SNED1: variants seen among roughly 807,000 people sequenced by gnomAD.
The protein encoded by SNED1 is sushi, nidogen and EGF like domains 1.
A neutral mutation model predicts 166.7 loss-of-function variants in SNED1; 81 were observed. The observed-to-expected ratio is 0.49, with a 90% CI of 0.41 to 0.58. The LOEUF is 0.58. SNED1 is among the 20% of genes least tolerant of loss of function. SNED1 has a pLI of 0.00. For synonymous variants in SNED1, 762 were observed against 822.0 expected, an observed-to-expected ratio of 0.93 and a Z score of 1.25; for missense variants, 1,604 against 2,000.2, an observed-to-expected ratio of 0.80 and a Z score of 3.78.
chr2:241,022,164 C>T (rs1247775281), intron 1 of SNED1, among the ~76,000 whole-genome samples: 2 of 152,126 alleles, frequency 1.3e-5, no homozygotes, highest in East Asian at 3.9e-4. Context: ...GTACATTCTC[C>T]CATCCTGTGG....
At position 241,048,686 on chromosome 2, in the gene SNED1, G is replaced by T; in HGVS notation, c.1424G>T (p.Arg475Leu). Reference protein sequence around the residue: ...RERVPDDCECRNGGRCLGANT... With the variant: ...RERVPDDCECLNGGRCLGANT... The stretch of plus-strand genomic sequence containing the variant: ...GGAGTCCCCGATGACTGTGAGTGCC[G>T]CAACGGAGGCAGATGCCTGGGCGCC... Residue 475 changes from arginine (R) to leucine (L), a missense_variant, in exon 10 of 32, where the codon CGC (arginine) becomes CTC (leucine). Transcript: ENST00000310397. 1 of 1,611,582 alleles carries T rather than the reference G, an allele frequency of 6.2e-7. No individual in the cohort carries two copies.
At chr2:241,065,048 C>A in intron 20 of SNED1, 91 bp downstream of exon 20, 1 of 1,033,130 alleles carries the variant, frequency 9.7e-7, no homozygotes, top group Non-Finnish European at 1.4e-6. Flanking sequence ...GAGCGTCTGG[C>A]CGCTGCTTGC....
At chr2:241,016,072 GTTAAT>G (rs919776622) in intron 1 of SNED1, 2 of 151,324 alleles carry the variant, frequency 1.3e-5, no homozygotes, top group Non-Finnish European at 2.9e-5. Flanking sequence ...AATTAATAAA[GTTAAT>G]TTAATGGCAA....
chr2:241,082,219 G>T, intron 28 of SNED1, 58 bp from the exon 29 acceptor site: 1 of 1,421,276 alleles, frequency 7.0e-7, no homozygotes, highest in South Asian at 1.2e-5. Flanking sequence ...GGCCTCTCAA[G>T]AGGGGCAGGA....
In SNED1 at chr2:240,998,982, G is replaced by T; in HGVS notation, c.145G>T (p.Gly49Cys). ...CGCCGTCACCCCCAAGCAGGACGAC[G>T]GCGGCTCGGGGCTGCGGCCGCTCTC... ...GDAVTPKQDDGGSGLRPLSVP... is the reference protein window; with the variant it reads ...GDAVTPKQDDCGSGLRPLSVP... The change falls in exon 1 of 32, where the codon GGC becomes TGC. Residue 49 changes from glycine (G) to cysteine (C), a missense_variant. By Grantham distance (159) the Gly-to-Cys change is radical. Around this residue, in one of 2 missense-constraint regions of SNED1, gnomAD observed 1,237 missense variants for 1,620.8 expected, o/e 0.76. Transcript: ENST00000310397. 1 of 1,326,420 alleles carries T rather than the reference G, an allele frequency of 7.5e-7. No individual in the cohort carries two copies. The allele number at this position is 1,326,420 out of a possible 1,614,324, so 82.2% of individuals were successfully genotyped here.
At position 241,052,599 on chromosome 2, in the gene SNED1, A is replaced by G. The variant is rs13031812; in HGVS notation, c.2083+131A>G. 378,686 of 615,234 alleles carry G rather than the reference A, an allele frequency of 0.62. 111,305 individuals carry two copies. The highest frequency in any genetic ancestry group is 0.82 in the East Asian group (27,374 of 33,350). 38.1% of individuals were successfully genotyped at this position (615,234 alleles called of 1,614,324 possible). A position where few individuals can be genotyped will look rare whatever the true frequency, so the allele number is the denominator to read the frequency against. ...TGAGAGGGCCAGGGGGCCAAGCAGG[A>G]TATATGGGATACCAGTGCCAGGCAG... On this transcript the variant is annotated intron_variant, in intron 15 of 31. Transcript: ENST00000310397.
intron 1 of SNED1, among the ~76,000 whole-genome samples, chr2:241,025,863 A>G (rs2060946876): frequency 6.6e-6 from 1 of 151,914 alleles, no homozygotes; most frequent in South Asian, 2.1e-4. Context: ...CCCTAATGGT[A>G]ACCTGTTTTT....
Position 241,056,508 on chromosome 2 carries a change from C to A in SNED1, c.2257+3182C>A, listed in dbSNP as rs1217485979. Among the ~76,000 whole-genome samples the A allele has an allele frequency of 2.8e-5, 4 of 142,680 alleles. No individual in the cohort carries two copies. In the East Asian group the frequency reaches 8.2e-4, roughly 29 times the overall value. The allele number at this position is 142,680 out of a possible 152,430, so 93.6% of individuals were successfully genotyped here. On this transcript the variant is annotated intron_variant, in intron 16 of 31. Coordinates refer to ENST00000310397, the MANE Select transcript of SNED1 (RefSeq NM_001080437.3). ...ACCATAGAACTCAAAGACAGGACAA[C>A]AAAATTATCTAAACTGCAGATCAGA... is the stretch of plus-strand genomic sequence containing the variant.
In SNED1 at chr2:241,053,238, A is replaced by G. The variant is rs1183906787; in HGVS notation, c.2169A>G (p.Ala723=). The G allele has an allele frequency of 6.2e-7, 1 of 1,608,828 alleles. No individual in the cohort carries two copies. ...GGCTGGGCGCGGTGGCCCTGTATGC[A>G]TGTGACCGTGGCTACAGCCTGAGCG... The part of the protein sequence containing the change: ...GTRLGAVALY[A]CDRGYSLSAP... The change falls in exon 16 of 32, where the codon GCA becomes GCG. Residue 723 remains alanine, a synonymous_variant. Transcript: ENST00000310397.
At chr2:241,030,863 C>T (rs2061146368) in intron 2 of SNED1, among the ~76,000 whole-genome samples, 1 of 152,230 alleles carries the variant, frequency 6.6e-6, no homozygotes, top group South Asian at 2.1e-4. Flanking sequence ...GCCCAGTACT[C>T]AAAAGGTTAG....
intron 8 of SNED1, among the ~76,000 whole-genome samples, chr2:241,042,176 C>T (rs2061539226): frequency 6.6e-6 from 1 of 152,108 alleles, no homozygotes; most frequent in Non-Finnish European, 1.5e-5. Context: ...AGGAGACCTC[C>T]CTGAATTTTG....
At position 241,064,022 on chromosome 2, in the gene SNED1, C is replaced by T; in HGVS notation, c.2496C>T (p.Ala832=). Residue 832 remains alanine, a synonymous_variant, in exon 19 of 32, where the codon GCC becomes GCT. Coordinates refer to ENST00000310397, the MANE Select transcript of SNED1 (RefSeq NM_001080437.3). The surrounding 1 kb of genome is among the most constrained non-coding windows in gnomAD (Gnocchi z 7.0). Reference sequence around the variant, plus strand: ...CTGGGTGTTCTCCAGAGGTGGACGCCTGCGACTCCAGCCCCTGCCAGCATG... The same window carrying T: ...CTGGGTGTTCTCCAGAGGTGGACGCTTGCGACTCCAGCCCCTGCCAGCATG... ...VGVHCETEVD[A]CDSSPCQHGG... The T allele has an allele frequency of 6.4e-7, 1 of 1,554,446 alleles. No individual in the cohort carries two copies. Among genetic ancestry groups the T allele is most frequent in the Non-Finnish European group, 8.7e-7 (1 of 1,149,456 alleles).
chr2:241,029,801 C>A (rs1292155653), intron 1 of SNED1, among the ~76,000 whole-genome samples: 1 of 152,198 alleles, frequency 6.6e-6, no homozygotes, highest in Non-Finnish European at 1.5e-5. Flanking sequence ...CCTGGCCATC[C>A]CCCTCCGCTC....
chr2:241,085,816 G>T (rs565371894), intron 29 of SNED1, among the ~76,000 whole-genome samples: 1 of 150,598 alleles, frequency 6.6e-6, no homozygotes, highest in South Asian at 2.1e-4. Context: ...TTTATTCTGG[G>T]GTTAATTTTG....
chr2:241,028,524 G>C (rs1232850247), intron 1 of SNED1, among the ~76,000 whole-genome samples: 1 of 152,162 alleles, frequency 6.6e-6, no homozygotes, highest in Non-Finnish European at 1.5e-5. Context: ...CAGTTTTGCT[G>C]GCACCATTTG....
chr2:241,057,820 T>C (rs1420992388), intron 16 of SNED1, among the ~76,000 whole-genome samples: 1 of 152,176 alleles, frequency 6.6e-6, no homozygotes. Context: ...AAAGTGTCCT[T>C]TTCTGAAAGA....
intron 6 of SNED1, among the ~76,000 whole-genome samples, chr2:241,039,839 C>T (rs1315926500): frequency 6.6e-6 from 1 of 152,160 alleles, no homozygotes; most frequent in Non-Finnish European, 1.5e-5. Flanking sequence ...CACACCCATC[C>T]CTCCATCCCA....
In SNED1 at chr2:241,036,946, G is replaced by A. The variant is rs1175550963; in HGVS notation, c.931+31G>A. ...TGACTGGCCCAGGGCGGGACCACCC[G>A]CTGGCTGCGCTGGGCTCAGGAGGAG... On this transcript the variant is annotated intron_variant, in intron 5 of 31. Coordinates refer to ENST00000310397, the MANE Select transcript of SNED1 (RefSeq NM_001080437.3). 6.3e-6 allele frequency: 10 copies of A among 1,583,810 alleles called. 1 individual carries two copies. Among genetic ancestry groups the A allele is most frequent in the Middle Eastern group, 1.7e-4 (1 of 6,002 alleles).
intron 1 of SNED1, among the ~76,000 whole-genome samples, chr2:241,024,824 C>A (rs1163276940): frequency 6.6e-6 from 1 of 151,272 alleles, no homozygotes; most frequent in African/African-American, 2.4e-5. Flanking sequence ...GGTGCTGCCA[C>A]CACACCTGAC....
Sources: gnomAD v4.1 joint callset for allele counts (sites outside exome capture counted in the v4.1 genomes callset) on GRCh38, gnomAD v4.1.1 for gene constraint, gnomAD v4.1.1 regional missense constraint, Gnocchi (gnomAD v3.1) non-coding constraint, MANE v1.5 for transcripts, NCBI Gene and HGNC (gene_info 2026-07-23, HGNC 2026-07-21) for gene names.